The following ARHGAP20 variants were observed in gnomAD, a reference collection of about 807,000 sequenced individuals.
ARHGAP20 encodes the protein Rho GTPase activating protein 20.
ARHGAP20 carries 34 observed loss-of-function variants against 73.7 expected under a neutral mutation model. That is an observed-to-expected ratio of 0.46 (90% CI 0.35 to 0.61). The LOEUF (loss-of-function observed/expected upper bound fraction) is 0.61, where lower values mean the gene tolerates loss of function less well. Among genes scored for constraint, ARHGAP20 ranks in the 20% least tolerant of loss-of-function variants. The probability of loss-of-function intolerance (pLI) is 0.00; values close to 1 mark genes in which losing one functional copy is unlikely to be tolerated. For synonymous variants in ARHGAP20, 523 were observed against 518.2 expected (o/e 1.01, Z -0.13); for missense variants, 1,314 against 1,420.9 (o/e 0.92, Z 1.21).
At chr11:110,711,635 A>C (rs1238716228) in intron 1 of ARHGAP20, 2 of 1,482,254 alleles carry the variant, frequency 1.3e-6, no homozygotes, top group East Asian at 5.6e-5. Context: ...CGAGCCCACC[A>C]GCGCCGCAGC....
Position 110,614,656 on chromosome 11 carries a change from G to A in ARHGAP20, c.546-11C>T. 6.4e-7 allele frequency: 1 copy of A among 1,572,050 alleles called. No individual in the cohort carries two copies. Among genetic ancestry groups the A allele is most frequent in the Non-Finnish European group, 8.7e-7 (1 of 1,154,866 alleles). ...TCTAGATTGATGTATCTAATCAAAT[G>A]CAACAGCAACCCAAAACAACACTGA... On this transcript the variant is annotated splice_polypyrimidine_tract_variant and intron_variant, in intron 5 of 14. Coordinates refer to ENST00000683387, the MANE Select transcript of ARHGAP20 (RefSeq NM_001384657.1).
intron 2 of ARHGAP20, among the ~76,000 whole-genome samples, chr11:110,679,212 A>C (rs1949991003): frequency 6.6e-6 from 1 of 152,192 alleles, no homozygotes; most frequent in Non-Finnish European, 1.5e-5. Flanking sequence ...CTCCAGATCA[A>C]GTGGTCAGAG....
intron 6 of ARHGAP20, among the ~76,000 whole-genome samples, chr11:110,614,141 C>G (rs138920808): frequency 9.9e-5 from 15 of 152,194 alleles, no homozygotes; most frequent in Admixed American, 2.0e-4. Context: ...AAACCACTTT[C>G]TGCTTAAGAG....
rs149108692 is a variant in ARHGAP20 at position 110,614,562 on chromosome 11, T to C, written c.629A>G (p.Tyr210Cys). 21 of 1,612,020 alleles carry C rather than the reference T, an allele frequency of 1.3e-5. No homozygotes were observed. In the African/African-American group the frequency reaches 2.5e-4, roughly 19 times the overall value. The change falls in exon 6 of 15, where the codon TAC becomes TGC. Residue 210 changes from tyrosine to cysteine, a missense_variant and splice_region_variant. Transcript: ENST00000683387. ...ATTTTCTGGCTTAGAAACACTTACG[T>C]AGGCACAATTCCCAATGTCCTTGGC... The part of the protein sequence containing the change: ...IFAKDIGNCA[Y>C]SKTITVMNSD...
At chr11:110,584,569 T>C (rs1487195261) in intron 12 of ARHGAP20, among the ~76,000 whole-genome samples, 1 of 152,052 alleles carries the variant, frequency 6.6e-6, no homozygotes, top group Non-Finnish European at 1.5e-5. Flanking sequence ...GACTTTGAAA[T>C]AGAACAAAAG....
chr11:110,644,436 T>C (rs1184455634), intron 2 of ARHGAP20, among the ~76,000 whole-genome samples: 1 of 152,112 alleles, frequency 6.6e-6, no homozygotes, highest in Non-Finnish European at 1.5e-5. Flanking sequence ...CAAAACAGCA[T>C]GGTACTGGTA....
chr11:110,606,699 G>C lies in ARHGAP20; in HGVS notation c.826C>G (p.Leu276Val). ...IKMSHLRDSA[L>V]LTPGSKDSTT... is the part of the protein sequence containing the mutation. Reference sequence around the variant, plus strand: ...GAGTCCTTTGATCCCGGTGTCAGGAGTGCAGAGTCTCGAAGATGGCTCATT... The same window carrying C: ...GAGTCCTTTGATCCCGGTGTCAGGACTGCAGAGTCTCGAAGATGGCTCATT... The change falls in exon 9 of 15, where the codon CTC becomes GTC. Residue 276 changes from leucine to valine, a missense_variant. Transcript: ENST00000683387. 6.3e-7 allele frequency: 1 copy of C among 1,595,304 alleles called. No homozygotes were observed. The highest frequency in any genetic ancestry group is 8.5e-7 in the Non-Finnish European group (1 of 1,173,414).
chr11:110,616,368 A>G (rs898911110), intron 4 of ARHGAP20, among the ~76,000 whole-genome samples: 1 of 152,076 alleles, frequency 6.6e-6, no homozygotes, highest in African/African-American at 2.4e-5. Flanking sequence ...TTTTAAAATC[A>G]TATTTCTCTC....
chr11:110,643,133 T>C (rs1371503630), intron 2 of ARHGAP20, among the ~76,000 whole-genome samples: 1 of 152,114 alleles, frequency 6.6e-6, no homozygotes, highest in Non-Finnish European at 1.5e-5. Context: ...ATCACCTTTG[T>C]CATTTCTGAC....
intron 7 of ARHGAP20, among the ~76,000 whole-genome samples, chr11:110,610,082 A>T (rs112229098): frequency 2.5e-4 from 38 of 152,290 alleles, no homozygotes; most frequent in African/African-American, 8.7e-4. Context: ...AAAAGAATGA[A>T]TCATGTCAGT....
chr11:110,674,080 A>G (rs1420073319), intron 2 of ARHGAP20, among the ~76,000 whole-genome samples: 6 of 151,952 alleles, frequency 3.9e-5, no homozygotes, highest in South Asian at 2.1e-4. Context: ...CTGAGATTAC[A>G]GGTGTGTGTC....
chr11:110,660,061 C>CAAAAAAAAAAAAAAAAAAA (rs746439426), intron 2 of ARHGAP20, among the ~76,000 whole-genome samples: 9 of 69,214 alleles, frequency 1.3e-4, no homozygotes, highest in Non-Finnish European at 1.6e-4. Context: ...TAATAAAAAA[C>CAAAAAAAAAAAAAAAAAAA]AAAAAAAAAA....
rs188254546 is a variant in ARHGAP20 at position 110,700,568 on chromosome 11, T to C, written c.106-9939A>G. Reference sequence around the variant, plus strand: ...CTGTAAGGGAAAAAGATAATTACTTTTTTTTTTCTTTCTTTTTTATTTTAT... The same window carrying C: ...CTGTAAGGGAAAAAGATAATTACTTCTTTTTTTCTTTCTTTTTTATTTTAT... On this transcript the variant is annotated intron_variant, in intron 1 of 14. Coordinates refer to ENST00000683387, the MANE Select transcript of ARHGAP20 (RefSeq NM_001384657.1). Among the ~76,000 whole-genome samples the C allele has an allele frequency of 7.6e-3, 1,160 of 152,000 alleles. 21 individuals are homozygous for C. Among genetic ancestry groups the C allele is most frequent in the African/African-American group, 0.026 (1,094 of 41,510 alleles).
intron 9 of ARHGAP20, among the ~76,000 whole-genome samples, chr11:110,605,039 G>A (rs1456126131): frequency 6.6e-6 from 1 of 152,186 alleles, no homozygotes; most frequent in East Asian, 1.9e-4. Context: ...TCTTCCAACA[G>A]TGCACAGAGT....
rs557665224 is a variant in ARHGAP20, at chr11:110,630,917, C to T, written c.189-125G>A. The T allele has an allele frequency of 7.9e-6, 7 of 890,588 alleles. No homozygotes were observed. The African/African-American group carries it at 1.0e-4, about 13-fold the overall frequency. 55.2% of individuals were successfully genotyped at this position (890,588 alleles called of 1,614,324 possible). A position where few individuals can be genotyped will look rare whatever the true frequency, so the allele number is the denominator to read the frequency against. ...TCCTAACTGGTCATGAGTCTATTCA[C>T]CACACAGTAGTCTTTAATATTTCAT... On this transcript the variant is annotated intron_variant, in intron 2 of 14. Coordinates refer to ENST00000683387, the MANE Select transcript of ARHGAP20 (RefSeq NM_001384657.1).
chr11:110,609,144 T>C lies in ARHGAP20; in HGVS notation c.709-94A>G, dbSNP rs1166859263. On this transcript the variant is annotated intron_variant, in intron 7 of 14. Transcript: ENST00000683387. The stretch of plus-strand genomic sequence containing the variant: ...TTTTTTTTTGGTTATGTGTCCTCCC[T>C]CCTGCCCCCTACCCAGTGATAGTTA... 11 of 1,024,242 alleles carry C rather than the reference T, an allele frequency of 1.1e-5. No homozygotes were observed. The South Asian group carries it at 1.4e-4, about 13-fold the overall frequency. The allele number at this position is 1,024,242 out of a possible 1,614,324, so 63.4% of individuals were successfully genotyped here.
chr11:110,671,610 T>A (rs992178880), intron 2 of ARHGAP20, among the ~76,000 whole-genome samples: 1 of 152,026 alleles, frequency 6.6e-6, no homozygotes, highest in Non-Finnish European at 1.5e-5. Context: ...AAAATCTACA[T>A]TAAAGCTAAT....
intron 2 of ARHGAP20, among the ~76,000 whole-genome samples, chr11:110,674,431 T>A (rs113725419): frequency 1.3e-5 from 2 of 151,992 alleles, no homozygotes; most frequent in South Asian, 4.1e-4. Flanking sequence ...TGGAAACAAT[T>A]TGAGCGCCTA....
intron 1 of ARHGAP20, among the ~76,000 whole-genome samples, chr11:110,709,765 C>T (rs1384222345): frequency 1.3e-5 from 2 of 151,866 alleles, no homozygotes; most frequent in African/African-American, 4.8e-5. Context: ...GTAGACAGGG[C>T]CAAGAAAAAG....
Sources: gnomAD v4.1 joint callset for allele counts (sites outside exome capture counted in the v4.1 genomes callset) on GRCh38, gnomAD v4.1.1 for gene constraint, MANE v1.5 for transcripts, NCBI Gene and HGNC (gene_info 2026-07-23, HGNC 2026-07-21) for gene names.